DHX36: variants seen among roughly 807,000 people sequenced by gnomAD.
DHX36 encodes DEAH-box helicase 36.
In DHX36, 50 loss-of-function variants were observed where a neutral mutation model predicts 139.0. The observed-to-expected ratio is 0.36, with a 90% CI of 0.29 to 0.46. The LOEUF (loss-of-function observed/expected upper bound fraction) is 0.46. Ranked by LOEUF, DHX36 falls within the 20% of genes least tolerant of loss-of-function variation. The pLI is 1.00. For missense variants in DHX36, 1,024 were observed against 1,211.3 expected (o/e 0.85, Z 2.29); for synonymous variants, 425 against 401.9 (o/e 1.06, Z -0.69).
rs72996625 is a variant in DHX36 at position 154,283,607 on chromosome 3, A to G, written c.2293-336T>C. ...ATTAAACTGACTTAAATGCTATTAT[A>G]TATTTTCAAATTCACAGATTTTCTT... is the stretch of plus-strand genomic sequence containing the variant. On this transcript the variant is annotated intron_variant, in intron 19 of 24. Transcript: ENST00000496811. Among the ~76,000 whole-genome samples the G allele has an allele frequency of 3.9e-3, 593 of 152,138 alleles. 5 individuals are homozygous for G. The highest frequency in any genetic ancestry group is 0.014 in the African/African-American group (563 of 41,534).
chr3:154,299,408 TATATGTTTCAAA>T, intron 12 of DHX36, among the ~76,000 whole-genome samples: 1 of 152,342 alleles, frequency 6.6e-6, no homozygotes, highest in East Asian at 1.9e-4. Flanking sequence ...CTCTAGAGTT[TATATGTTTCAAA>T]ATATGCTGTT....
chr3:154,309,941 A>G (rs559590197), intron 4 of DHX36, 118 bp from the exon 5 acceptor site: 2 of 814,456 alleles, frequency 2.5e-6, no homozygotes, highest in South Asian at 4.3e-5. Context: ...AATGCTTTCT[A>G]AATTTTGCCA....
At chr3:154,302,285 C>G (rs1184687691) in intron 9 of DHX36, among the ~76,000 whole-genome samples, 2 of 152,296 alleles carry the variant, frequency 1.3e-5, no homozygotes, top group Non-Finnish European at 2.9e-5. Context: ...CTTGGATTAA[C>G]TTGGTTACTC....
intron 3 of DHX36, 74 bp from the exon 4 acceptor site, chr3:154,311,748 A>C (rs1356033796): frequency 8.5e-7 from 1 of 1,170,650 alleles, no homozygotes; most frequent in Admixed American, 2.5e-5. Context: ...TTTAGGATAC[A>C]TCACAGGGTA....
chr3:154,311,602 A>G, intron 4 of DHX36, 34 bp downstream of exon 4: 1 of 1,566,578 alleles, frequency 6.4e-7, no homozygotes, highest in Non-Finnish European at 8.6e-7. Flanking sequence ...TTTAATTTGC[A>G]AATCAAATTA....
rs1576888564 is a variant in DHX36, at chr3:154,324,303, T to G, written c.114A>C (p.Gly38=). ...GGHGGNRGSG[G]GGGGGGGGRG... The stretch of plus-strand genomic sequence containing the variant: ...GACCACCCCCTCCGCCGCCGCCGCC[T>G]CCTCCGGAGCCTCGGTTACCTCCAT... Residue 38 remains glycine (G), a synonymous_variant, in exon 1 of 25, where the codon GGA becomes GGC. Coordinates refer to ENST00000496811, the MANE Select transcript of DHX36 (RefSeq NM_020865.3). 3 of 1,594,218 alleles carry G rather than the reference T, an allele frequency of 1.9e-6. No homozygotes were observed. The highest frequency in any genetic ancestry group is 2.6e-6 in the Non-Finnish European group (3 of 1,172,052).
chr3:154,276,183 T>A lies in DHX36; in HGVS notation c.3015A>T (p.Gly1005=). ...PRNFPPRFQD[G]YYS ...CCCTGAAAAGCTGTCAGCTGTAATA[T>A]CCATCCTGGAATCGTGGCGGAAAGT... The change falls in exon 25 of 25, where the codon GGA becomes GGT. Residue 1005 remains glycine, a synonymous_variant. Coordinates refer to ENST00000496811, the MANE Select transcript of DHX36 (RefSeq NM_020865.3). 1 of 1,611,688 alleles carries A rather than the reference T, an allele frequency of 6.2e-7. No individual in the cohort carries two copies. The highest frequency in any genetic ancestry group is 8.5e-7 in the Non-Finnish European group (1 of 1,179,322).
At chr3:154,299,130 G>A (rs964619618) in intron 12 of DHX36, among the ~76,000 whole-genome samples, 12 of 151,786 alleles carry the variant, frequency 7.9e-5, no homozygotes, top group Admixed American at 2.0e-4. Context: ...AAAGTCAGCC[G>A]GGCATGGTGT....
At chr3:154,298,998 G>A (rs1279545081) in intron 12 of DHX36, among the ~76,000 whole-genome samples, 5 of 152,166 alleles carry the variant, frequency 3.3e-5, no homozygotes, top group Non-Finnish European at 4.4e-5. Flanking sequence ...GAGGCCACAC[G>A]TGGTGGCTCA....
In DHX36 at chr3:154,315,159, C is replaced by A; in HGVS notation, c.490G>T (p.Asp164Tyr). ...TGCAAGAGATACTCAGAATCTCGGT[C>A]AATATATGATCTGTTCCTGATTCTA... ...MFRIRNRSYI[D>Y]RDSEYLLQEN... Residue 164 changes from aspartate to tyrosine, a missense_variant, in exon 3 of 25, where the codon GAC becomes TAC. By Grantham distance (160) the Asp-to-Tyr change is radical (BLOSUM62 -3). Transcript: ENST00000496811. The A allele has an allele frequency of 6.2e-7, 1 of 1,613,198 alleles. No homozygotes were observed. The highest frequency in any genetic ancestry group is 1.1e-5 in the South Asian group (1 of 90,958).
chr3:154,310,285 A>C (rs1363288898), intron 4 of DHX36, among the ~76,000 whole-genome samples: 4 of 152,172 alleles, frequency 2.6e-5, no homozygotes, highest in Admixed American at 6.5e-5. Context: ...CTTTCAAATA[A>C]TTAAAATAAA....
At chr3:154,277,096 A>G (rs1285289483) in intron 23 of DHX36, among the ~76,000 whole-genome samples, 197 bp from the exon 24 acceptor site, 3 of 152,204 alleles carry the variant, frequency 2.0e-5, no homozygotes, top group Admixed American at 6.5e-5. Flanking sequence ...AGGTATTTTA[A>G]TATTTTTTAG....
At chr3:154,300,199 C>G (rs546336185) in intron 11 of DHX36, among the ~76,000 whole-genome samples, 2 of 152,060 alleles carry the variant, frequency 1.3e-5, no homozygotes, top group Non-Finnish European at 2.9e-5. Context: ...TCCCAAGTAG[C>G]TGGGATTACA....
chr3:154,288,708 A>T (rs1432241741), intron 17 of DHX36, among the ~76,000 whole-genome samples, 158 bp downstream of exon 17: 14 of 152,326 alleles, frequency 9.2e-5, no homozygotes, highest in Non-Finnish European at 2.9e-5. Context: ...CCTATCTCAT[A>T]ACCTGATAGT....
chr3:154,304,542 A>T (rs1345869372), intron 8 of DHX36, among the ~76,000 whole-genome samples: 1 of 152,174 alleles, frequency 6.6e-6, no homozygotes, highest in Admixed American at 6.5e-5. Flanking sequence ...AAAATTATGC[A>T]AATCTGTGGT....
Position 154,315,995 on chromosome 3 carries a change from T to A in DHX36, c.368+44A>T. 2.5e-6 allele frequency: 4 copies of A among 1,579,998 alleles called. No individual in the cohort carries two copies. In the South Asian group the frequency reaches 4.6e-5, roughly 18 times the overall value. On this transcript the variant is annotated intron_variant, in intron 2 of 24. Transcript: ENST00000496811. ...AAAGATGTTATTTTTATTATTAAAGTGTTACTCTTTGCCTATTCTTTAAAA... is the reference window on the plus strand; with the variant it reads ...AAAGATGTTATTTTTATTATTAAAGAGTTACTCTTTGCCTATTCTTTAAAA...
chr3:154,300,656 C>A lies in DHX36; in HGVS notation c.1399G>T (p.Asp467Tyr). The A allele has an allele frequency of 6.2e-7, 1 of 1,613,822 alleles. No homozygotes were observed. Among genetic ancestry groups the A allele is most frequent in the Non-Finnish European group, 8.5e-7 (1 of 1,179,844 alleles). ...STVDVIEMME[D>Y]DKVDLNLIVA... ...ATCAAATTCAGATCAACTTTATCATCCTCCATCATTTCTATAACATCTACA... is the reference window on the plus strand; with the variant it reads ...ATCAAATTCAGATCAACTTTATCATACTCCATCATTTCTATAACATCTACA... Residue 467 changes from aspartate (D) to tyrosine (Y), a missense_variant, in exon 11 of 25, where the codon GAT (aspartate) becomes TAT (tyrosine). Coordinates refer to ENST00000496811, the MANE Select transcript of DHX36 (RefSeq NM_020865.3).
intron 12 of DHX36, among the ~76,000 whole-genome samples, chr3:154,299,349 T>C (rs1260194653): frequency 6.6e-6 from 1 of 150,612 alleles, no homozygotes; most frequent in Admixed American, 6.6e-5. Context: ...AAGTTAATGA[T>C]TGCTGAAAAT....
At chr3:154,282,696 T>C (rs772753717) in intron 20 of DHX36, among the ~76,000 whole-genome samples, 6 of 152,154 alleles carry the variant, frequency 3.9e-5, no homozygotes, top group African/African-American at 1.4e-4. Context: ...CTGGAGTGTA[T>C]GTGTACTGGG....
Sources: allele counts gnomAD v4.1 joint callset (sites outside exome capture counted in the v4.1 genomes callset), GRCh38; gene constraint gnomAD v4.1.1; transcripts MANE v1.5; gene names NCBI Gene and HGNC (gene_info 2026-07-23, HGNC 2026-07-21).